NOP14: variants seen among roughly 807,000 people sequenced by gnomAD.
The protein encoded by NOP14 is nucleolar protein 14.
NOP14 carries 57 observed loss-of-function variants against 101.6 expected under a neutral mutation model. That is an observed-to-expected ratio of 0.56 (90% confidence interval 0.45 to 0.70). NOP14 has a LOEUF of 0.70. NOP14 is among the 30% of genes least tolerant of loss of function. NOP14 has a pLI of 0.00. For synonymous variants in NOP14, 428 were observed against 424.0 expected, an observed-to-expected ratio of 1.01 and a Z score of -0.12; for missense variants, 1,134 against 1,075.5, an observed-to-expected ratio of 1.05 and a Z score of -0.76.
intron 5 of NOP14, 32 bp downstream of exon 5, chr4:2,953,479 G>A (rs1715156862): frequency 2.5e-6 from 4 of 1,612,110 alleles, no homozygotes; most frequent in East Asian, 2.2e-5. Context: ...AGCTCAGTGA[G>A]TGAAGAGTTT....
chr4:2,959,461 C>T (rs1263328), intron 1 of NOP14, among the ~76,000 whole-genome samples: 90,726 of 151,444 alleles, frequency 0.6, 28,207 homozygotes, highest in African/African-American at 0.73. Context: ...GGTGTGGTGG[C>T]GGGCGCCTGT....
At position 2,942,266 on chromosome 4, in the gene NOP14, C is replaced by A. The variant is rs1714263231; in HGVS notation, c.1977G>T (p.Trp659Cys). 1.2e-6 allele frequency: 2 copies of A among 1,614,096 alleles called. No homozygotes were observed. The highest frequency in any genetic ancestry group is 1.7e-6 in the Non-Finnish European group (2 of 1,180,022). ...AGCGGAGGGAGAGGCTGCTCTGCTG[C>A]CACGTGGCCACATCCTCTCTAGCAG... ...VVSAREDVAT[W>C]QQSSLSLRWA... The change falls in exon 14 of 18, where the codon TGG becomes TGT. Residue 659 changes from tryptophan to cysteine, a missense_variant. Trp to Cys is a radical substitution (Grantham distance 215). Transcript: ENST00000416614.
In NOP14 at chr4:2,952,313, A is replaced by G. The variant is rs1470027656; in HGVS notation, c.832T>C (p.Leu278=). The G allele has an allele frequency of 6.2e-7, 1 of 1,613,766 alleles. No homozygotes were observed. The highest frequency in any genetic ancestry group is 8.5e-7 in the Non-Finnish European group (1 of 1,179,874). The change falls in exon 6 of 18, where the codon TTG becomes CTG. Residue 278 remains leucine (L), a synonymous_variant. Transcript: ENST00000416614. Reference sequence around the variant, plus strand: ...AGGTGCTCCTGCTCTTCCTTTGCCAATTCTGCCTCCGTCTTCATCCTGTTA... The same window carrying G: ...AGGTGCTCCTGCTCTTCCTTTGCCAGTTCTGCCTCCGTCTTCATCCTGTTA... ...PSNRMKTEAE[L]AKEEQEHLRK... is the part of the protein sequence containing the mutation.
intron 9 of NOP14, 35 bp downstream of exon 9, chr4:2,948,243 A>G: frequency 6.4e-7 from 1 of 1,558,926 alleles, no homozygotes; most frequent in South Asian, 1.2e-5. Flanking sequence ...CTATGCTGAC[A>G]CTCCCAGCGC....
chr4:2,947,036 G>A (rs972340796), intron 10 of NOP14: 8 of 213,448 alleles, frequency 3.7e-5, no homozygotes, highest in African/African-American at 1.6e-4. Context: ...CAGCCCTGGG[G>A]GCCAGGAGCC....
In NOP14 at chr4:2,944,167, C is replaced by T; in HGVS notation, c.1797G>A (p.Leu599=). The change falls in exon 13 of 18, where the codon CTG becomes CTA. Residue 599 remains leucine, a synonymous_variant. Transcript: ENST00000416614. Reference sequence around the variant, plus strand: ...ACCTCTGGGACAAAGCCACATACTCCAGGAACAGGCAGCACACGAACAGGC... The same window carrying T: ...ACCTCTGGGACAAAGCCACATACTCTAGGAACAGGCAGCACACGAACAGGC... ...VKGLFVCCLF[L]EYVALSQRFI... 1 of 1,614,098 alleles carries T rather than the reference C, an allele frequency of 6.2e-7. No individual in the cohort carries two copies. The highest frequency in any genetic ancestry group is 1.1e-5 in the South Asian group (1 of 91,068).
chr4:2,939,584 G>A lies in NOP14; in HGVS notation c.2261C>T (p.Thr754Ile). 1 of 1,613,958 alleles carries A rather than the reference G, an allele frequency of 6.2e-7. No homozygotes were observed. The highest frequency in any genetic ancestry group is 8.5e-7 in the Non-Finnish European group (1 of 1,180,032). ...ESQKQLCRPL[T>I]CEKSKPVPLK... Reference sequence around the variant, plus strand: ...TGGGACAGGCTTGCTCTTCTCACAGGTCAGCGGCCGGCAGAGCTGCTTCTG... The same window carrying A: ...TGGGACAGGCTTGCTCTTCTCACAGATCAGCGGCCGGCAGAGCTGCTTCTG... The change falls in exon 16 of 18, where the codon ACC becomes ATC. Residue 754 changes from threonine (T) to isoleucine (I), a missense_variant. Coordinates refer to ENST00000416614, the MANE Select transcript of NOP14 (RefSeq NM_001291978.2).
At position 2,938,003 on chromosome 4, in the gene NOP14, G is replaced by A. The variant is rs751451010; in HGVS notation, c.*828C>T. On this transcript the variant is annotated 3_prime_UTR_variant, in exon 18 of 18. Transcript: ENST00000416614. Reference sequence around the variant, plus strand: ...ATTCTACACATGAAGGCAAACGTCCGTGGTTGACAGAAATTACACTGGCCA... The same window carrying A: ...ATTCTACACATGAAGGCAAACGTCCATGGTTGACAGAAATTACACTGGCCA... 26 of 220,812 alleles carry A rather than the reference G, an allele frequency of 1.2e-4. No homozygotes were observed. The highest frequency in any genetic ancestry group is 4.3e-4 in the African/African-American group (18 of 42,352). The allele number at this position is 220,812 out of a possible 1,614,324, so 13.7% of individuals were successfully genotyped here. A position where few individuals can be genotyped will look rare whatever the true frequency, so the allele number is the denominator to read the frequency against.
In NOP14 at chr4:2,953,508, C is replaced by T. The variant is rs1384505820; in HGVS notation, c.747+3G>A. ...AGAGTTTGTTTCAGTACTTGGCTCC[C>T]ACCTTGGGTTTTTCCTTTTTGTCTC... On this transcript the variant is annotated splice_donor_region_variant and intron_variant, in intron 5 of 17. Transcript: ENST00000416614. The T allele has an allele frequency of 6.2e-7, 1 of 1,614,026 alleles. No homozygotes were observed. The highest frequency in any genetic ancestry group is 1.3e-5 in the African/African-American group (1 of 75,012).
chr4:2,951,325 A>G (rs1414659672), intron 6 of NOP14, 80 bp from the exon 7 acceptor site: 1 of 1,377,710 alleles, frequency 7.3e-7, no homozygotes, highest in Non-Finnish European at 1.0e-6. Flanking sequence ...TGCCCTGGGC[A>G]GCGGGCTGGG....
chr4:2,953,923 T>C (rs1200565898), intron 4 of NOP14, among the ~76,000 whole-genome samples: 3 of 152,228 alleles, frequency 2.0e-5, no homozygotes, highest in Admixed American at 6.5e-5. Context: ...TGTCAGATAC[T>C]AAAACCAGCA....
chr4:2,950,206 T>G lies in NOP14; in HGVS notation c.1010A>C (p.Lys337Thr). 6.2e-7 allele frequency: 1 copy of G among 1,613,634 alleles called. No individual in the cohort carries two copies. Among genetic ancestry groups the G allele is most frequent in the Non-Finnish European group, 8.5e-7 (1 of 1,180,018 alleles). The change falls in exon 8 of 18, where the codon AAG becomes ACG. Residue 337 changes from lysine (K) to threonine (T), a missense_variant. By Grantham distance (78) the Lys-to-Thr change is moderately conservative. Transcript: ENST00000416614. The stretch of plus-strand genomic sequence containing the variant: ...CTGGACATCTTCCTCGACATTCATC[T>G]TTCCATCCTACCAAGAGCGTGGAAA... The part of the protein sequence containing the change: ...DRRLLSYKDG[K>T]MNVEEDVQEE...
rs1249095386 is a variant in NOP14, at chr4:2,944,173, C to T, written c.1791G>A (p.Leu597=). ...GGGACAAAGCCACATACTCCAGGAA[C>T]AGGCAGCACACGAACAGGCCCTTCA... The part of the protein sequence containing the change: ...DVVKGLFVCC[L]FLEYVALSQR... Residue 597 remains leucine, a synonymous_variant, in exon 13 of 18, where the codon CTG becomes CTA. Transcript: ENST00000416614. The T allele has an allele frequency of 2.5e-6, 4 of 1,614,012 alleles. No homozygotes were observed. Among genetic ancestry groups the T allele is most frequent in the South Asian group, 2.2e-5 (2 of 91,078 alleles).
chr4:2,946,740 T>A, intron 10 of NOP14, 193 bp from the exon 11 acceptor site: 1 of 582,200 alleles, frequency 1.7e-6, no homozygotes, highest in Non-Finnish European at 3.0e-6. Context: ...GCCATAACAT[T>A]ATGGACTGGA....
chr4:2,959,398 C>T (rs1413977106), intron 1 of NOP14, among the ~76,000 whole-genome samples: 2 of 152,226 alleles, frequency 1.3e-5, no homozygotes, highest in Admixed American at 6.5e-5. Flanking sequence ...CAAGACCATC[C>T]TGGGTAACAT....
chr4:2,944,288 C>T, intron 12 of NOP14, 62 bp from the exon 13 acceptor site: 3 of 1,522,234 alleles, frequency 2.0e-6, no homozygotes, highest in Non-Finnish European at 2.7e-6. Flanking sequence ...CTAGGCCGAC[C>T]ACCGGGCTTC....
At chr4:2,942,449 G>C (rs1214423932) in intron 13 of NOP14, 98 bp from the exon 14 acceptor site, 1 of 1,198,108 alleles carries the variant, frequency 8.3e-7, no homozygotes, top group Non-Finnish European at 1.2e-6. Context: ...CCCTCTAACA[G>C]ACGCACACCG....
intron 2 of NOP14, 121 bp from the exon 3 acceptor site, chr4:2,956,932 G>T: frequency 1.2e-6 from 1 of 847,276 alleles, no homozygotes; most frequent in Non-Finnish European, 1.8e-6. Context: ...ATCCTAAGCA[G>T]CCTTAAAGAG....
At chr4:2,957,458 A>C (rs762004463) in intron 2 of NOP14, 148 bp downstream of exon 2, 417 of 898,668 alleles carry the variant, frequency 4.6e-4, no homozygotes, top group Non-Finnish European at 5.7e-4. Flanking sequence ...CCTTTGGCCT[A>C]GCCAGATAAG....
Sources: allele counts gnomAD v4.1 joint callset (sites outside exome capture counted in the v4.1 genomes callset), GRCh38; gene constraint gnomAD v4.1.1; transcripts MANE v1.5; gene names NCBI Gene and HGNC (gene_info 2026-07-23, HGNC 2026-07-21).